The following DLG2 variants were observed in gnomAD, a reference collection of about 807,000 sequenced individuals.
The protein encoded by DLG2 is discs large MAGUK scaffold protein 2.
In DLG2, 45 loss-of-function variants were observed where a neutral mutation model predicts 132.5. That is an observed-to-expected ratio of 0.34 (90% CI 0.27 to 0.44). The LOEUF (loss-of-function observed/expected upper bound fraction) is 0.44. Ranked by LOEUF, DLG2 falls within the 20% of genes least tolerant of loss-of-function variation. The pLI, the probability that DLG2 is intolerant of heterozygous loss-of-function variation, is 1.00. For missense variants in DLG2, 1,045 were observed against 1,196.9 expected, an observed-to-expected ratio of 0.87 and a Z score of 1.87; for synonymous variants, 424 against 419.6, an observed-to-expected ratio of 1.01 and a Z score of -0.13.
chr11:83,519,461 T>C (rs958199690), intron 21 of DLG2, among the ~76,000 whole-genome samples: 2 of 152,230 alleles, frequency 1.3e-5, no homozygotes, highest in African/African-American at 4.8e-5. Context: ...CCTAATTTTG[T>C]GTTTTTTATG....
At chr11:85,084,130 G>T (rs2067594941) in intron 6 of DLG2, among the ~76,000 whole-genome samples, 1 of 152,026 alleles carries the variant, frequency 6.6e-6, no homozygotes, top group Non-Finnish European at 1.5e-5. Flanking sequence ...GGGATAAAGT[G>T]ATTTTTAAAA....
chr11:84,626,003 G>C (rs183034082), intron 6 of DLG2, among the ~76,000 whole-genome samples: 2 of 152,248 alleles, frequency 1.3e-5, no homozygotes, highest in Admixed American at 1.3e-4. Context: ...TGTCACCATT[G>C]TCTTTATCAT....
At chr11:84,946,925 G>C (rs1385163784) in intron 6 of DLG2, among the ~76,000 whole-genome samples, 1 of 152,166 alleles carries the variant, frequency 6.6e-6, no homozygotes, top group Non-Finnish European at 1.5e-5. Flanking sequence ...TCTGGCTAGG[G>C]CTGGTCTAAA....
intron 7 of DLG2, among the ~76,000 whole-genome samples, chr11:84,275,150 A>C (rs2154366779): frequency 6.6e-6 from 1 of 152,348 alleles, no homozygotes; most frequent in Non-Finnish European, 1.5e-5. Flanking sequence ...AGGCTTTTCC[A>C]ACCTCCTGTT....
intron 3 of DLG2, among the ~76,000 whole-genome samples, chr11:85,536,033 T>A (rs2075556187): frequency 6.6e-6 from 1 of 151,656 alleles, no homozygotes; most frequent in African/African-American, 2.4e-5. Context: ...CTGGGCAACA[T>A]GGTGAAACCC....
At chr11:84,895,297 GGTTA>G (rs1341329370) in intron 6 of DLG2, among the ~76,000 whole-genome samples, 1 of 152,054 alleles carries the variant, frequency 6.6e-6, no homozygotes, top group Non-Finnish European at 1.5e-5. Context: ...ACAAAGCAAT[GGTTA>G]GTTATTGAAT....
intron 7 of DLG2, among the ~76,000 whole-genome samples, chr11:84,465,527 G>C (rs950511188): frequency 5.3e-5 from 8 of 151,094 alleles, no homozygotes; most frequent in African/African-American, 1.9e-4. Context: ...CTTCATTATG[G>C]CTTAAATCAG....
At chr11:83,875,329 A>G (rs980001911) in intron 15 of DLG2, among the ~76,000 whole-genome samples, 7 of 152,150 alleles carry the variant, frequency 4.6e-5, no homozygotes, top group African/African-American at 1.7e-4. Context: ...AAGTGTTTTT[A>G]AATTTTTATG....
chr11:85,130,848 G>T (rs1295743130), intron 5 of DLG2, among the ~76,000 whole-genome samples: 1 of 152,148 alleles, frequency 6.6e-6, no homozygotes, highest in Non-Finnish European at 1.5e-5. Flanking sequence ...GATAAGATTT[G>T]CAGTCTAAAG....
intron 15 of DLG2, among the ~76,000 whole-genome samples, chr11:83,927,273 G>A (rs938676966): frequency 5.9e-5 from 9 of 152,194 alleles, no homozygotes; most frequent in East Asian, 3.9e-4. Flanking sequence ...CACTCATTGC[G>A]CTTACAGTGT....
At chr11:84,927,641 A>T (rs2047553968) in intron 6 of DLG2, among the ~76,000 whole-genome samples, 1 of 152,066 alleles carries the variant, frequency 6.6e-6, no homozygotes, top group Non-Finnish European at 1.5e-5. Context: ...ACTTAAACAG[A>T]CATTACATAG....
intron 6 of DLG2, among the ~76,000 whole-genome samples, chr11:84,743,614 G>T (rs1031962295): frequency 2.0e-5 from 3 of 152,152 alleles, no homozygotes; most frequent in African/African-American, 7.2e-5. Flanking sequence ...TGAGAAAAGA[G>T]TTGACAGTTA....
intron 6 of DLG2, among the ~76,000 whole-genome samples, chr11:84,638,092 T>G (rs1468071752): frequency 6.6e-6 from 1 of 152,264 alleles, no homozygotes; most frequent in Non-Finnish European, 1.5e-5. Context: ...CAACCTCTAC[T>G]TTCATTTTGA....
intron 6 of DLG2, among the ~76,000 whole-genome samples, chr11:85,050,642 C>T (rs995085230): frequency 2.0e-5 from 3 of 152,070 alleles, no homozygotes; most frequent in African/African-American, 7.2e-5. Flanking sequence ...GAGCCCTCCT[C>T]TCAGAGAAGG....
At chr11:83,733,354 A>G (rs1298161519) in intron 18 of DLG2, among the ~76,000 whole-genome samples, 1 of 151,982 alleles carries the variant, frequency 6.6e-6, no homozygotes, top group Non-Finnish European at 1.5e-5. Flanking sequence ...ACTCACTAGG[A>G]CTTAACAAAA....
At chr11:85,187,417 T>C (rs1267434738) in intron 4 of DLG2, among the ~76,000 whole-genome samples, 1 of 152,098 alleles carries the variant, frequency 6.6e-6, no homozygotes, top group Non-Finnish European at 1.5e-5. Context: ...TGACTTATCT[T>C]ACAAGGGAAC....
intron 3 of DLG2, among the ~76,000 whole-genome samples, chr11:85,384,794 A>G (rs2086190093): frequency 1.3e-5 from 2 of 151,752 alleles, no homozygotes; most frequent in African/African-American, 4.8e-5. Context: ...TCTCAACCCA[A>G]CCCCTGTCCT....
chr11:85,298,847 A>G (rs1044700593), intron 3 of DLG2, among the ~76,000 whole-genome samples: 3 of 152,146 alleles, frequency 2.0e-5, no homozygotes, highest in Admixed American at 2.0e-4. Context: ...GAAGAAATGG[A>G]ACAAGTTGGT....
intron 18 of DLG2, among the ~76,000 whole-genome samples, chr11:83,699,132 G>T (rs1354840005): frequency 6.6e-6 from 1 of 152,014 alleles, no homozygotes; most frequent in East Asian, 1.9e-4. Flanking sequence ...ACGTCTAAAG[G>T]GCCCCAATAA....
Sources: allele counts gnomAD v4.1 joint callset (sites outside exome capture counted in the v4.1 genomes callset), GRCh38; gene constraint gnomAD v4.1.1; transcripts MANE v1.5; gene names NCBI Gene and HGNC (gene_info 2026-07-23, HGNC 2026-07-21).